The following DENND1A variants were observed in gnomAD, a reference collection of about 807,000 sequenced individuals.
DENND1A encodes DENN domain-containing protein 1A.
Under a neutral mutation model 113.7 loss-of-function variants are expected in DENND1A, and 51 were observed. The ratio of observed to expected loss-of-function variants is 0.45; its 90% CI spans 0.36 to 0.57. The LOEUF (loss-of-function observed/expected upper bound fraction) is 0.57, where lower values mean the gene tolerates loss of function less well. Ranked by LOEUF, DENND1A falls within the 20% of genes least tolerant of loss-of-function variation. The pLI is 0.00. For missense variants in DENND1A, 1,258 were observed against 1,395.9 expected, an observed-to-expected ratio of 0.90 and a Z score of 1.57; for synonymous variants, 565 against 570.8, an observed-to-expected ratio of 0.99 and a Z score of 0.14.
chr9:123,648,119 G>T (rs1248776433), intron 9 of DENND1A, among the ~76,000 whole-genome samples: 1 of 152,120 alleles, frequency 6.6e-6, no homozygotes, highest in African/African-American at 2.4e-5. Context: ...TCACTCTGTT[G>T]TCCACGCTGG....
chr9:123,676,129 G>A (rs901417053), intron 6 of DENND1A, among the ~76,000 whole-genome samples: 1 of 152,082 alleles, frequency 6.6e-6, no homozygotes, highest in Admixed American at 6.5e-5. Context: ...TCTACATAAA[G>A]GTCCAACTGG....
chr9:123,871,408 T>G (rs1846590881), intron 2 of DENND1A, among the ~76,000 whole-genome samples: 1 of 152,128 alleles, frequency 6.6e-6, no homozygotes, highest in Non-Finnish European at 1.5e-5. Flanking sequence ...TAAATCAGCT[T>G]TTTAAAAATG....
intron 13 of DENND1A, among the ~76,000 whole-genome samples, chr9:123,510,951 G>A (rs910490647): frequency 2.0e-5 from 3 of 152,222 alleles, no homozygotes; most frequent in African/African-American, 7.2e-5. Context: ...GCATGGAATA[G>A]GCAATAAGGC....
intron 5 of DENND1A, among the ~76,000 whole-genome samples, chr9:123,723,292 T>C (rs2067469762): frequency 6.6e-6 from 1 of 152,220 alleles, no homozygotes. Flanking sequence ...TGCTTTTGAT[T>C]TTACAGGTTC....
chr9:123,685,397 A>G (rs556813684), intron 5 of DENND1A, among the ~76,000 whole-genome samples: 1 of 152,356 alleles, frequency 6.6e-6, no homozygotes, highest in African/African-American at 2.4e-5. Flanking sequence ...TTAATGTCCC[A>G]TTGTGATACC....
At chr9:123,558,636 T>C (rs1336686653) in intron 12 of DENND1A, among the ~76,000 whole-genome samples, 2 of 152,110 alleles carry the variant, frequency 1.3e-5, no homozygotes, top group Admixed American at 6.5e-5. Context: ...CCAAATGGAA[T>C]AAAGATTTTC....
intron 20 of DENND1A, among the ~76,000 whole-genome samples, chr9:123,408,487 CATT>C (rs2044060862): frequency 6.6e-6 from 1 of 152,254 alleles, no homozygotes; most frequent in East Asian, 1.9e-4. Flanking sequence ...TTGTTAAACC[CATT>C]TTACAGATGA....
chr9:123,799,047 T>G (rs892774846), intron 2 of DENND1A, among the ~76,000 whole-genome samples: 5 of 152,168 alleles, frequency 3.3e-5, no homozygotes, highest in Non-Finnish European at 7.4e-5. Flanking sequence ...ACTTTATACT[T>G]TGCCTAAACG....
chr9:123,757,936 T>A, intron 4 of DENND1A, 114 bp from the exon 5 acceptor site: 1 of 1,239,138 alleles, frequency 8.1e-7, no homozygotes, highest in Non-Finnish European at 1.1e-6. Flanking sequence ...GTGGAACTCT[T>A]AAAATTTACA....
chr9:123,440,335 C>A, intron 19 of DENND1A, 25 bp downstream of exon 19: 2 of 1,576,500 alleles, frequency 1.3e-6, no homozygotes. Flanking sequence ...ACAAAACAGA[C>A]AGGTAGGAGG....
chr9:123,685,345 G>C (rs891052390), intron 5 of DENND1A, among the ~76,000 whole-genome samples: 2 of 152,168 alleles, frequency 1.3e-5, no homozygotes, highest in Non-Finnish European at 2.9e-5. Context: ...AATTGATTAC[G>C]ATATTTAGTT....
intron 21 of DENND1A, among the ~76,000 whole-genome samples, chr9:123,394,041 G>A (rs1161495607): frequency 1.5e-4 from 23 of 151,882 alleles, no homozygotes; most frequent in Admixed American, 1.5e-3. Flanking sequence ...GCCCAGGCTG[G>A]AGTGCAGTGG....
chr9:123,894,630 G>A (rs1201999883), intron 1 of DENND1A, among the ~76,000 whole-genome samples: 1 of 152,064 alleles, frequency 6.6e-6, no homozygotes, highest in Non-Finnish European at 1.5e-5. Flanking sequence ...GAGAAAAACG[G>A]GGACAATACA....
At chr9:123,696,830 T>C (rs780147275) in intron 5 of DENND1A, among the ~76,000 whole-genome samples, 26 of 152,170 alleles carry the variant, frequency 1.7e-4, no homozygotes, top group Non-Finnish European at 3.2e-4. Context: ...TAAATTACTA[T>C]AGTGATCTGA....
At chr9:123,781,563 T>G (rs1455238030) in intron 3 of DENND1A, among the ~76,000 whole-genome samples, 2 of 152,112 alleles carry the variant, frequency 1.3e-5, no homozygotes, top group Non-Finnish European at 2.9e-5. Context: ...CAGAAAACAT[T>G]TATTAAACTA....
At chr9:123,452,253 C>T in intron 17 of DENND1A, 23 bp downstream of exon 17, 1 of 1,612,392 alleles carries the variant, frequency 6.2e-7, no homozygotes, top group Non-Finnish European at 8.5e-7. Context: ...GTTTTGGCTC[C>T]TGACAGCAAG....
intron 13 of DENND1A, among the ~76,000 whole-genome samples, chr9:123,521,277 T>C (rs984100513): frequency 1.3e-5 from 2 of 152,192 alleles, no homozygotes; most frequent in African/African-American, 4.8e-5. Context: ...TGGAGTATTA[T>C]CATGAAAGGT....
chr9:123,859,510 A>T (rs1321004275), intron 2 of DENND1A, among the ~76,000 whole-genome samples: 1 of 151,836 alleles, frequency 6.6e-6, no homozygotes, highest in African/African-American at 2.4e-5. Flanking sequence ...TACATGGTTA[A>T]TAAGAATTTG....
intron 13 of DENND1A, among the ~76,000 whole-genome samples, chr9:123,510,750 G>C (rs1023203614): frequency 6.6e-6 from 1 of 152,204 alleles, no homozygotes; most frequent in Non-Finnish European, 1.5e-5. Flanking sequence ...ATGTGGCCTT[G>C]AGGCTTTCTT....
Sources: allele counts gnomAD v4.1 joint callset (sites outside exome capture counted in the v4.1 genomes callset), GRCh38; gene constraint gnomAD v4.1.1; transcripts MANE v1.5; gene names NCBI Gene and HGNC (gene_info 2026-07-23, HGNC 2026-07-21).